The following NAV2 variants were observed in gnomAD, a reference collection of about 807,000 sequenced individuals.
NAV2 encodes the protein helicase, APC down-regulated 1.
Under a neutral mutation model 223.2 loss-of-function variants are expected in NAV2, and 54 were observed. That is an observed-to-expected ratio of 0.24 (90% CI 0.19 to 0.30). The LOEUF (loss-of-function observed/expected upper bound fraction) is 0.30. NAV2 is among the 10% of genes least tolerant of loss of function. NAV2 has a pLI of 1.00. For synonymous variants in NAV2, 1,279 were observed against 1,239.3 expected (o/e 1.03, Z -0.67); for missense variants, 2,806 against 3,147.5 (o/e 0.89, Z 2.60).
chr11:19,992,610 T>C (rs1171204568), intron 11 of NAV2, among the ~76,000 whole-genome samples: 12 of 125,676 alleles, frequency 9.5e-5, no homozygotes, highest in Non-Finnish European at 2.0e-4. Context: ...TTTTTTGAGA[T>C]GGAGTCTCGC....
intron 35 of NAV2, 128 bp from the exon 36 acceptor site, chr11:20,107,536 C>A (rs1284040805): frequency 2.8e-6 from 2 of 719,796 alleles, no homozygotes; most frequent in African/African-American, 3.5e-5. Context: ...TGCGTTCAGG[C>A]CTCAGCCCTG....
At chr11:20,082,679 C>A (rs374194686) in intron 25 of NAV2, 39 of 1,349,030 alleles carry the variant, frequency 2.9e-5, no homozygotes, top group Non-Finnish European at 4.1e-5. Context: ...CATCCATCAC[C>A]GTGTCTGAGC....
intron 1 of NAV2, among the ~76,000 whole-genome samples, chr11:19,409,094 G>A (rs1013543591): frequency 6.6e-6 from 1 of 152,188 alleles, no homozygotes; most frequent in Non-Finnish European, 1.5e-5. Flanking sequence ...TAAATCACAT[G>A]TCTTTTTTTT....
At chr11:20,078,550 C>T (rs1705271153) in intron 24 of NAV2, among the ~76,000 whole-genome samples, 1 of 152,142 alleles carries the variant, frequency 6.6e-6, no homozygotes, top group African/African-American at 2.4e-5. Context: ...CCTCTACTTC[C>T]CGGGTTCAAG....
chr11:20,074,775 T>TTTTTTTTTTTTTTC (rs2059619048), intron 22 of NAV2, among the ~76,000 whole-genome samples: 1 of 146,690 alleles, frequency 6.8e-6, no homozygotes, highest in African/African-American at 2.6e-5. Context: ...TTTTTTTTTT[T>TTTTTTTTTTTTTTC]TGCTTTCCAT....
At chr11:19,993,570 G>A (rs528167445) in intron 11 of NAV2, among the ~76,000 whole-genome samples, 9 of 152,206 alleles carry the variant, frequency 5.9e-5, no homozygotes, top group South Asian at 2.1e-4. Flanking sequence ...TGTGCTTGAT[G>A]TTTCCCCCCT....
intron 1 of NAV2, among the ~76,000 whole-genome samples, chr11:19,714,932 C>A (rs1428097824): frequency 6.6e-6 from 1 of 152,148 alleles, no homozygotes; most frequent in Non-Finnish European, 1.5e-5. Context: ...GCCGACCTGA[C>A]GGATGTGACT....
chr11:19,627,407 A>G (rs2047202737), intron 1 of NAV2, among the ~76,000 whole-genome samples: 1 of 151,868 alleles, frequency 6.6e-6, no homozygotes, highest in African/African-American at 2.4e-5. Flanking sequence ...AAAGAGATCC[A>G]TGTGCCTGTT....
At chr11:19,495,028 C>T (rs115504354) in intron 1 of NAV2, among the ~76,000 whole-genome samples, 105 of 152,284 alleles carry the variant, frequency 6.9e-4, no homozygotes, top group Middle Eastern at 6.8e-3. Flanking sequence ...AAACTCATTG[C>T]TGCTTGAAGC....
At chr11:19,385,532 T>G (rs1324533383) in intron 1 of NAV2, among the ~76,000 whole-genome samples, 2 of 152,188 alleles carry the variant, frequency 1.3e-5, no homozygotes, top group African/African-American at 2.4e-5. Flanking sequence ...GCAAAAAATG[T>G]TTTTGCACCA....
At chr11:19,928,706 G>T (rs189161554) in intron 6 of NAV2, among the ~76,000 whole-genome samples, 23 of 152,276 alleles carry the variant, frequency 1.5e-4, no homozygotes, top group Admixed American at 1.4e-3. Context: ...TGCAGGGGTC[G>T]TCTCAGAGAC....
intron 10 of NAV2, among the ~76,000 whole-genome samples, chr11:19,970,904 A>T (rs566679033): frequency 6.6e-6 from 1 of 152,320 alleles, no homozygotes; most frequent in East Asian, 1.9e-4. Flanking sequence ...TAGTTCCATG[A>T]AACTGCCTAT....
At chr11:19,516,658 T>C (rs1565006152) in intron 1 of NAV2, among the ~76,000 whole-genome samples, 1 of 152,160 alleles carries the variant, frequency 6.6e-6, no homozygotes, top group Non-Finnish European at 1.5e-5. Context: ...GCTAGCTCTA[T>C]TTTGGTCCCT....
intron 1 of NAV2, among the ~76,000 whole-genome samples, chr11:19,733,667 G>A (rs1037503915): frequency 1.3e-5 from 2 of 152,186 alleles, no homozygotes; most frequent in Admixed American, 1.3e-4. Context: ...GATATATGGG[G>A]AGAGGAAAGA....
intron 1 of NAV2, among the ~76,000 whole-genome samples, chr11:19,743,083 G>A (rs922437316): frequency 1.3e-5 from 2 of 152,158 alleles, no homozygotes; most frequent in Admixed American, 1.3e-4. Flanking sequence ...GTGTAGCCTT[G>A]GTTCAAATTC....
intron 1 of NAV2, among the ~76,000 whole-genome samples, chr11:19,550,460 G>A (rs1283187146): frequency 6.6e-6 from 1 of 152,208 alleles, no homozygotes; most frequent in Non-Finnish European, 1.5e-5. Context: ...CCATTTCGTA[G>A]ATGAGGCAAC....
chr11:19,362,002 G>A (rs1003953263), intron 1 of NAV2, among the ~76,000 whole-genome samples: 1 of 152,298 alleles, frequency 6.6e-6, no homozygotes, highest in South Asian at 2.1e-4. Context: ...GGGATGGAGA[G>A]GAGGTGAGTG....
chr11:19,392,690 TA>T (rs1258491353), intron 1 of NAV2, among the ~76,000 whole-genome samples: 1 of 152,150 alleles, frequency 6.6e-6, no homozygotes, highest in Non-Finnish European at 1.5e-5. Flanking sequence ...GGCTGGCCCA[TA>T]TAACGGGGAG....
intron 1 of NAV2, among the ~76,000 whole-genome samples, chr11:19,573,434 G>A (rs1205006563): frequency 6.6e-6 from 1 of 152,188 alleles, no homozygotes; most frequent in Non-Finnish European, 1.5e-5. Context: ...TCAGCACACA[G>A]CCAAGCACAT....
Sources: allele counts gnomAD v4.1 joint callset (sites outside exome capture counted in the v4.1 genomes callset), GRCh38; gene constraint gnomAD v4.1.1; transcripts MANE v1.5; gene names NCBI Gene and HGNC (gene_info 2026-07-23, HGNC 2026-07-21).